Variants in KAZN observed in about 807,000 individuals in gnomAD.
The protein encoded by KAZN is kazrin.
In KAZN, 40 loss-of-function variants were observed where a neutral mutation model predicts 87.4. That is an observed-to-expected ratio of 0.46 (90% CI 0.36 to 0.60). KAZN has a LOEUF of 0.60. KAZN is among the 20% of genes least tolerant of loss of function. The pLI, the probability that KAZN is intolerant of heterozygous loss-of-function variation, is 0.00. For synonymous variants in KAZN, 466 were observed against 458.3 expected (o/e 1.02, Z -0.22); for missense variants, 898 against 1,073.9 (o/e 0.84, Z 2.29).
intron 2 of KAZN, among the ~76,000 whole-genome samples, chr1:14,995,547 C>A (rs1474064079): frequency 1.3e-5 from 2 of 152,074 alleles, no homozygotes; most frequent in African/African-American, 2.4e-5. Flanking sequence ...CGTTTGAAAC[C>A]CTGGAGGCAG....
At chr1:15,070,454 G>A (rs1024456654) in intron 8 of KAZN, among the ~76,000 whole-genome samples, 5 of 152,178 alleles carry the variant, frequency 3.3e-5, no homozygotes, top group South Asian at 2.1e-4. Context: ...ACCCCTGGCT[G>A]TACCAGAGCT....
intron 2 of KAZN, among the ~76,000 whole-genome samples, chr1:14,566,780 T>G (rs1286276560): frequency 6.6e-6 from 1 of 152,224 alleles, no homozygotes; most frequent in Non-Finnish European, 1.5e-5. Context: ...AAACTTCTAC[T>G]AGCTCCCAAC....
chr1:14,828,150 C>T (rs1214201660), intron 1 of KAZN, among the ~76,000 whole-genome samples: 1 of 152,222 alleles, frequency 6.6e-6, no homozygotes, highest in Non-Finnish European at 1.5e-5. Context: ...ATGCTCTATG[C>T]CATCCCTGGC....
Position 14,142,038 on chromosome 1 carries a change from A to G in KAZN, c.92-38397A>G, listed in dbSNP as rs113306290. Among the ~76,000 whole-genome samples, 618 of 150,198 alleles carry G rather than the reference A, an allele frequency of 4.1e-3. 3 individuals are homozygous for G. Among genetic ancestry groups the G allele is most frequent in the African/African-American group, 0.014 (557 of 40,912 alleles). On this transcript the variant is annotated intron_variant, in intron 1 of 16. Transcript: ENST00000636203. ...ATGGGAAATCCGTGTAAGTTTATTT[A>G]TCTACTGTAGAAGCAAGGTTGTTCT... is the stretch of plus-strand genomic sequence containing the variant.
At chr1:14,207,842 C>T (rs531674308) in intron 2 of KAZN, among the ~76,000 whole-genome samples, 2 of 152,176 alleles carry the variant, frequency 1.3e-5, no homozygotes, top group Non-Finnish European at 2.9e-5. Context: ...CCACACAAGA[C>T]CTGCTGTGGG....
At chr1:14,519,118 C>T (rs1010997190) in intron 2 of KAZN, among the ~76,000 whole-genome samples, 6 of 151,886 alleles carry the variant, frequency 4.0e-5, no homozygotes, top group Admixed American at 1.3e-4. Flanking sequence ...GCATGGACTG[C>T]CTATGATTCT....
At chr1:14,131,652 A>G (rs7540070) in intron 1 of KAZN, among the ~76,000 whole-genome samples, 86,532 of 151,608 alleles carry the variant, frequency 0.57, 25,921 homozygotes, top group East Asian at 0.76. Flanking sequence ...CTTTTGGTTG[A>G]AAGTGGAGTA....
chr1:14,093,335 A>C (rs933478803), intron 1 of KAZN, among the ~76,000 whole-genome samples: 3 of 152,184 alleles, frequency 2.0e-5, no homozygotes, highest in Admixed American at 6.5e-5. Context: ...CCCCTGTGCT[A>C]TCTTACTCCG....
intron 1 of KAZN, among the ~76,000 whole-genome samples, chr1:14,044,773 C>T (rs573989486): frequency 6.6e-6 from 1 of 152,320 alleles, no homozygotes; most frequent in South Asian, 2.1e-4. Context: ...AAATTCTTTG[C>T]AACTCCTCCT....
chr1:13,952,856 T>G (rs1641404674), intron 1 of KAZN, among the ~76,000 whole-genome samples: 1 of 152,196 alleles, frequency 6.6e-6, no homozygotes, highest in Non-Finnish European at 1.5e-5. Flanking sequence ...CCTCTCTGGA[T>G]CTCCACTTAG....
chr1:14,764,121 G>A (rs1472890750), intron 1 of KAZN, among the ~76,000 whole-genome samples: 1 of 152,110 alleles, frequency 6.6e-6, no homozygotes, highest in African/African-American at 2.4e-5. Context: ...CCAGGTGATG[G>A]TTCTCATTTA....
chr1:14,159,276 C>G (rs1198304263), intron 1 of KAZN, among the ~76,000 whole-genome samples: 1 of 152,176 alleles, frequency 6.6e-6, no homozygotes, highest in Non-Finnish European at 1.5e-5. Flanking sequence ...AGAAGTCTAT[C>G]TGGTATTCTA....
intron 2 of KAZN, among the ~76,000 whole-genome samples, chr1:14,329,264 C>G (rs964947788): frequency 6.6e-6 from 1 of 151,812 alleles, no homozygotes; most frequent in East Asian, 1.9e-4. Context: ...GGAGGTCATC[C>G]AGGAAAATGT....
chr1:14,369,647 G>A (rs1660307193), intron 2 of KAZN, among the ~76,000 whole-genome samples: 1 of 151,988 alleles, frequency 6.6e-6, no homozygotes, highest in Non-Finnish European at 1.5e-5. Context: ...GTTTAACAAA[G>A]ACACAGCACA....
At chr1:14,419,102 T>C (rs974283851) in intron 2 of KAZN, among the ~76,000 whole-genome samples, 2 of 152,194 alleles carry the variant, frequency 1.3e-5, no homozygotes, top group South Asian at 4.1e-4. Context: ...ATAGAAAAAG[T>C]TTATCTCTTG....
chr1:14,162,787 G>A (rs554540508), intron 1 of KAZN, among the ~76,000 whole-genome samples: 60 of 151,946 alleles, frequency 3.9e-4, no homozygotes, highest in African/African-American at 1.3e-3. Flanking sequence ...CTTGGGATCC[G>A]CCTGCCTCAG....
At chr1:14,704,717 G>T (rs1471544461) in intron 1 of KAZN, among the ~76,000 whole-genome samples, 1 of 152,112 alleles carries the variant, frequency 6.6e-6, no homozygotes, top group Non-Finnish European at 1.5e-5. Context: ...CTTGTGTTCT[G>T]CTCCCTGCCA....
rs910404570 is a variant in KAZN at position 14,272,366 on chromosome 1, G to A, written c.249+91774G>A. On this transcript the variant is annotated intron_variant, in intron 2 of 16. Transcript: ENST00000636203. Reference sequence around the variant, plus strand: ...GGCCTTTTACTGTCTAGGAAACTGTGTTTGGCGTTTTCTCTTTAAATGTCA... The same window carrying A: ...GGCCTTTTACTGTCTAGGAAACTGTATTTGGCGTTTTCTCTTTAAATGTCA... Among the ~76,000 whole-genome samples, 4 of 152,282 alleles carry A rather than the reference G, an allele frequency of 2.6e-5. No homozygotes were observed. The East Asian group carries it at 7.7e-4, about 29-fold the overall frequency.
chr1:14,730,718 A>G (rs1258695825), intron 1 of KAZN, among the ~76,000 whole-genome samples: 2 of 152,128 alleles, frequency 1.3e-5, no homozygotes, highest in Non-Finnish European at 2.9e-5. Context: ...ACATTTTCCC[A>G]TGCAAGTGCC....
Sources: gnomAD v4.1 joint callset for allele counts (sites outside exome capture counted in the v4.1 genomes callset) on GRCh38, gnomAD v4.1.1 for gene constraint, MANE v1.5 for transcripts, NCBI Gene and HGNC (gene_info 2026-07-23, HGNC 2026-07-21) for gene names.